SNAPC4: variants seen among roughly 807,000 people sequenced by gnomAD.
SNAPC4 encodes the protein small nuclear RNA activating complex polypeptide 4, also known as snRNA-activating protein complex subunit 4.
In SNAPC4, 127 loss-of-function variants were observed where a neutral mutation model predicts 151.3. That is an observed-to-expected ratio of 0.84 (90% confidence interval 0.73 to 0.97). SNAPC4 has a LOEUF of 0.97. Ranked by LOEUF, SNAPC4 falls within the 50% of genes least tolerant of loss-of-function variation. The pLI is 0.00. For missense variants in SNAPC4, 2,186 were observed against 1,935.0 expected (o/e 1.13, Z -2.43); for synonymous variants, 1,002 against 824.4 (o/e 1.22, Z -3.69).
In SNAPC4 at chr9:136,392,529, T is replaced by C; in HGVS notation, c.803A>G (p.Asn268Ser). Reference sequence around the variant, plus strand: ...GACCTGCCCCTGACTTACGTTAATATTGGAAATCTTCTCCCAGTCGTGGCT... The same window carrying C: ...GACCTGCCCCTGACTTACGTTAATACTGGAAATCTTCTCCCAGTCGTGGCT... ...LDSHDWEKIS[N>S]INFEGSRSAE... Residue 268 changes from asparagine (N) to serine (S), a missense_variant, in exon 9 of 24, where the codon AAT becomes AGT. Asn to Ser is a conservative substitution (Grantham distance 46, BLOSUM62 1). Transcript: ENST00000684778. The C allele has an allele frequency of 6.2e-7, 1 of 1,613,798 alleles. No homozygotes were observed. The highest frequency in any genetic ancestry group is 8.5e-7 in the Non-Finnish European group (1 of 1,180,002).
In SNAPC4 at chr9:136,375,693, GGTCA is replaced by G. The variant is rs1210108565; in HGVS notation, c.*111_*114del. The G allele has an allele frequency of 1.3e-5, 2 of 152,392 alleles. No homozygotes were observed. Among genetic ancestry groups the G allele is most frequent in the Non-Finnish European group, 2.9e-5 (2 of 68,138 alleles). 9.4% of individuals were successfully genotyped at this position (152,392 alleles called of 1,614,324 possible). On this transcript the variant is annotated 3_prime_UTR_variant, in exon 24 of 24. Coordinates refer to ENST00000684778, the MANE Select transcript of SNAPC4 (RefSeq NM_003086.4). ...GCCCGCCTCTGTTCACTGCGGACCTGGTCAGTCAGCGGCCAGCAGATACCTGGCC... is the reference window on the plus strand; with the variant it reads ...GCCCGCCTCTGTTCACTGCGGACCTGGTCAGCGGCCAGCAGATACCTGGCC...
Position 136,382,233 on chromosome 9 carries a change from G to A in SNAPC4, c.2067+20C>T. On this transcript the variant is annotated intron_variant, in intron 17 of 23. Coordinates refer to ENST00000684778, the MANE Select transcript of SNAPC4 (RefSeq NM_003086.4). ...GGGGCACGTGGTGGCGTGCGCGTGGGTGTCTGCAGCAGGCCTCACCTGTGT... is the reference window on the plus strand; with the variant it reads ...GGGGCACGTGGTGGCGTGCGCGTGGATGTCTGCAGCAGGCCTCACCTGTGT... 6 of 1,610,962 alleles carry A rather than the reference G, an allele frequency of 3.7e-6. No individual in the cohort carries two copies. Among genetic ancestry groups the A allele is most frequent in the Non-Finnish European group, 5.1e-6 (6 of 1,179,006 alleles).
Position 136,376,394 on chromosome 9 carries a change from G to T in SNAPC4, c.4372C>A (p.His1458Asn). ...PDDLDVLRTR[H>N]ARHTRKRRRL... Reference sequence around the variant, plus strand: ...CTCCGCTTCCGGGTGTGCCTGGCATGCCGGGTTCTGAGCACGTCCAGGTCG... The same window carrying T: ...CTCCGCTTCCGGGTGTGCCTGGCATTCCGGGTTCTGAGCACGTCCAGGTCG... The change falls in exon 23 of 24, where the codon CAT (histidine) becomes AAT (asparagine). Residue 1458 changes from histidine (H) to asparagine (N), a missense_variant. By Grantham distance (68) the His-to-Asn change is moderately conservative. Transcript: ENST00000684778. 1 of 1,613,444 alleles carries T rather than the reference G, an allele frequency of 6.2e-7. No individual in the cohort carries two copies. Among genetic ancestry groups the T allele is most frequent in the Non-Finnish European group, 8.5e-7 (1 of 1,179,960 alleles).
In SNAPC4 at chr9:136,379,606, C is replaced by T. The variant is rs367620439; in HGVS notation, c.2527+231G>A. 3.0e-4 allele frequency among the ~76,000 whole-genome samples: 46 copies of T among 152,342 alleles called. No homozygotes were observed. In the East Asian group the frequency reaches 5.0e-3, roughly 17 times the overall value. ...GACGCTCGCTCCAGACGACCCCTGCCTCTGGGCCCCATGCTGGGGAAGCCT... is the reference window on the plus strand; with the variant it reads ...GACGCTCGCTCCAGACGACCCCTGCTTCTGGGCCCCATGCTGGGGAAGCCT... On this transcript the variant is annotated intron_variant, in intron 21 of 23. Coordinates refer to ENST00000684778, the MANE Select transcript of SNAPC4 (RefSeq NM_003086.4).
At chr9:136,390,824 T>C (rs1326842126) in intron 10 of SNAPC4, among the ~76,000 whole-genome samples, 1 of 151,816 alleles carries the variant, frequency 6.6e-6, no homozygotes, top group Non-Finnish European at 1.5e-5. Flanking sequence ...AAAAACCGAT[T>C]TGTATTTATT....
chr9:136,376,123 C>A (rs985098638), intron 23 of SNAPC4, among the ~76,000 whole-genome samples: 3 of 152,204 alleles, frequency 2.0e-5, no homozygotes, highest in Admixed American at 6.5e-5. Context: ...AGCCTATGGT[C>A]AGGGGCACAG....
chr9:136,390,273 G>C (rs904733229), intron 10 of SNAPC4, among the ~76,000 whole-genome samples: 10 of 152,200 alleles, frequency 6.6e-5, no homozygotes, highest in African/African-American at 2.4e-4. Context: ...ATACAGGGAT[G>C]GGCCGGGCGC....
intron 13 of SNAPC4, among the ~76,000 whole-genome samples, chr9:136,386,348 A>G (rs1217329748): frequency 6.6e-6 from 1 of 152,014 alleles, no homozygotes; most frequent in Non-Finnish European, 1.5e-5. Context: ...CGGGTGATGA[A>G]ATGTTTTACA....
intron 19 of SNAPC4, 55 bp downstream of exon 19, chr9:136,381,267 C>T (rs373941744): frequency 2.1e-6 from 3 of 1,435,636 alleles, no homozygotes; most frequent in South Asian, 2.3e-5. Flanking sequence ...TTCAAAACTT[C>T]ACCAAAAACT....
intron 5 of SNAPC4, 65 bp downstream of exon 5, chr9:136,395,233 T>C: frequency 1.3e-6 from 2 of 1,561,244 alleles, no homozygotes; most frequent in Non-Finnish European, 1.7e-6. Flanking sequence ...CAGCAGGACT[T>C]GGGGACAAGA....
At chr9:136,380,126 G>C (rs548360266) in intron 20 of SNAPC4, among the ~76,000 whole-genome samples, 1 of 152,302 alleles carries the variant, frequency 6.6e-6, no homozygotes, top group Non-Finnish European at 1.5e-5. Flanking sequence ...TGCACCGGAG[G>C]CTCCTGAACC....
intron 13 of SNAPC4, among the ~76,000 whole-genome samples, chr9:136,386,164 T>A (rs1402941299): frequency 6.6e-6 from 1 of 151,900 alleles, no homozygotes; most frequent in Non-Finnish European, 1.5e-5. Context: ...TTTTTTTAAT[T>A]AACAGCCATC....
chr9:136,399,330 C>G (rs1346512172), intron 1 of SNAPC4, among the ~76,000 whole-genome samples: 1 of 152,232 alleles, frequency 6.6e-6, no homozygotes, highest in African/African-American at 2.4e-5. Flanking sequence ...CAGGTCCCCT[C>G]ACTCCTTCAC....
Position 136,383,244 on chromosome 9 carries a change from G to A in SNAPC4, c.1925C>T (p.Ala642Val). The A allele has an allele frequency of 6.3e-7, 1 of 1,595,730 alleles. No individual in the cohort carries two copies. ...AGTGTCTGCTGAGTGGGAGGCCTGG[G>A]CAGACCTCGGGACAGGGCCGTGGGC... ...ARAHGPVPRS[A>V]QASHSADTRP... The change falls in exon 16 of 24, where the codon GCC (alanine) becomes GTC (valine). Residue 642 changes from alanine to valine, a missense_variant. Transcript: ENST00000684778. The surrounding 1 kb of genome is among the most constrained non-coding windows in gnomAD (Gnocchi z 4.2).
chr9:136,395,799 C>G (rs4498662), intron 3 of SNAPC4, 29 bp from the exon 4 acceptor site: 702,577 of 1,598,760 alleles, frequency 0.44, 156,484 homozygotes, highest in Admixed American at 0.55. Flanking sequence ...TGGCATGTGA[C>G]GAGATGAGAC....
chr9:136,399,445 G>T (rs1834379951), intron 1 of SNAPC4, among the ~76,000 whole-genome samples: 1 of 152,228 alleles, frequency 6.6e-6, no homozygotes, highest in African/African-American at 2.4e-5. Flanking sequence ...AGCGCCTCCG[G>T]GCCGGCGGAG....
At position 136,383,833 on chromosome 9, in the gene SNAPC4, G is replaced by A; in HGVS notation, c.1500+120C>T. 1 of 1,344,992 alleles carries A rather than the reference G, an allele frequency of 7.4e-7. No individual in the cohort carries two copies. The allele number at this position is 1,344,992 out of a possible 1,614,324, so 83.3% of individuals were successfully genotyped here. A position where few individuals can be genotyped will look rare whatever the true frequency, so the allele number is the denominator to read the frequency against. On this transcript the variant is annotated intron_variant, in intron 15 of 23. Coordinates refer to ENST00000684778, the MANE Select transcript of SNAPC4 (RefSeq NM_003086.4). This position sits in a 1 kb window ranked among gnomAD's most constrained non-coding sequence, Gnocchi z 4.2. Reference sequence around the variant, plus strand: ...TCCCTTTGCCCTTGGCCACCCAGAAGAAGAAATGCCAAGACCAGAAACCGA... The same window carrying A: ...TCCCTTTGCCCTTGGCCACCCAGAAAAAGAAATGCCAAGACCAGAAACCGA...
At chr9:136,394,702 G>T (rs963559456) in intron 6 of SNAPC4, 98 bp downstream of exon 6, 1 of 1,099,458 alleles carries the variant, frequency 9.1e-7, no homozygotes, top group African/African-American at 1.5e-5. Context: ...GGTCACAACA[G>T]AGAGAGGTCT....
At position 136,383,234 on chromosome 9, in the gene SNAPC4, G is replaced by C. The variant is rs775879035; in HGVS notation, c.1935C>G (p.Ser645=). The C allele has an allele frequency of 3.8e-6, 6 of 1,579,126 alleles. No homozygotes were observed. The South Asian group carries it at 6.9e-5, about 18-fold the overall frequency. The change falls in exon 16 of 24, where the codon TCC becomes TCG. Residue 645 remains serine, a synonymous_variant. Coordinates refer to ENST00000684778, the MANE Select transcript of SNAPC4 (RefSeq NM_003086.4). The surrounding 1 kb of genome is among the most constrained non-coding windows in gnomAD (Gnocchi z 4.2). ...CCGCCGGGCGAGTGTCTGCTGAGTGGGAGGCCTGGGCAGACCTCGGGACAG... is the reference window on the plus strand; with the variant it reads ...CCGCCGGGCGAGTGTCTGCTGAGTGCGAGGCCTGGGCAGACCTCGGGACAG... ...HGPVPRSAQA[S]HSADTRPAGA...
Sources: allele counts gnomAD v4.1 joint callset (sites outside exome capture counted in the v4.1 genomes callset), GRCh38; gene constraint gnomAD v4.1.1; non-coding constraint Gnocchi (gnomAD v3.1); transcripts MANE v1.5; gene names NCBI Gene and HGNC (gene_info 2026-07-23, HGNC 2026-07-21).